Variants in CECR2 observed in about 807,000 individuals in gnomAD.
CECR2 encodes the protein CECR2 histone acetyl-lysine reader, also known as chromatin remodeling regulator CECR2.
In CECR2, 30 loss-of-function variants were observed where a neutral mutation model predicts 154.5. The ratio of observed to expected loss-of-function variants is 0.19; its 90% CI spans 0.15 to 0.26. The LOEUF is 0.26. Ranked by LOEUF, CECR2 falls within the 10% of genes least tolerant of loss-of-function variation. The pLI, the probability that CECR2 is intolerant of heterozygous loss-of-function variation, is 1.00. For missense variants in CECR2, 1,743 were observed against 1,829.3 expected, an observed-to-expected ratio of 0.95 and a Z score of 0.86; for synonymous variants, 725 against 683.7, an observed-to-expected ratio of 1.06 and a Z score of -0.94.
chr22:17,405,285 G>T (rs147169579), intron 1 of CECR2, among the ~76,000 whole-genome samples: 2,792 of 151,916 alleles, frequency 0.018, 77 homozygotes, highest in African/African-American at 0.065. Context: ...GGTGGTGGAC[G>T]CCTGTAATCC....
At chr22:17,380,502 T>TAAATC (rs1444410697) in intron 1 of CECR2, among the ~76,000 whole-genome samples, 1 of 152,206 alleles carries the variant, frequency 6.6e-6, no homozygotes, top group Admixed American at 6.5e-5. Flanking sequence ...CTTTATGAGC[T>TAAATC]AAATCAGGTC....
intron 1 of CECR2, among the ~76,000 whole-genome samples, chr22:17,404,572 A>C (rs1363575248): frequency 7.3e-6 from 1 of 137,400 alleles, no homozygotes; most frequent in African/African-American, 2.9e-5. Context: ...ACGGGGTTTC[A>C]CCGTTTTAGC....
chr22:17,462,825 T>C (rs1311830970), intron 1 of CECR2, among the ~76,000 whole-genome samples: 2 of 152,100 alleles, frequency 1.3e-5, no homozygotes, highest in African/African-American at 2.4e-5. Flanking sequence ...AGGCAGAGAA[T>C]TGCTTGAACC....
intron 1 of CECR2, among the ~76,000 whole-genome samples, chr22:17,475,939 C>T (rs1262768989): frequency 6.6e-6 from 1 of 151,914 alleles, no homozygotes; most frequent in Non-Finnish European, 1.5e-5. Context: ...TGTATATACA[C>T]AGCAGCTAGA....
intron 1 of CECR2, among the ~76,000 whole-genome samples, chr22:17,460,310 A>G (rs1022376804): frequency 2.6e-5 from 4 of 152,150 alleles, no homozygotes; most frequent in Non-Finnish European, 1.5e-5. Flanking sequence ...CCTGGGTTCA[A>G]GCAATTCTCC....
At chr22:17,545,936 C>T (rs754608951) in intron 16 of CECR2, among the ~76,000 whole-genome samples, 12 of 151,548 alleles carry the variant, frequency 7.9e-5, no homozygotes, top group Non-Finnish European at 1.5e-4. Flanking sequence ...CCTGTAATCG[C>T]AACTACTTGG....
intron 1 of CECR2, among the ~76,000 whole-genome samples, chr22:17,414,232 A>G (rs1021524011): frequency 2.6e-5 from 4 of 152,168 alleles, no homozygotes; most frequent in Admixed American, 6.5e-5. Flanking sequence ...TTGGCCTCCC[A>G]AAGTGCTGGG....
chr22:17,501,726 C>T (rs1467973389), intron 5 of CECR2, among the ~76,000 whole-genome samples: 1 of 152,104 alleles, frequency 6.6e-6, no homozygotes, highest in East Asian at 1.9e-4. Context: ...CACCTGTTTC[C>T]GGGTTTGTTA....
At chr22:17,428,826 G>GTGTGTATATATA (rs369291932) in intron 1 of CECR2, among the ~76,000 whole-genome samples, 9 of 150,594 alleles carry the variant, frequency 6.0e-5, no homozygotes, top group African/African-American at 2.2e-4. Flanking sequence ...GTGTGTGTGT[G>GTGTGTATATATA]TATATAAAGG....
intron 1 of CECR2, among the ~76,000 whole-genome samples, chr22:17,371,839 G>C (rs1182864669): frequency 6.6e-6 from 1 of 152,178 alleles, no homozygotes; most frequent in Non-Finnish European, 1.5e-5. Flanking sequence ...AAAGCTAGAG[G>C]TAACTCATTT....
intron 1 of CECR2, among the ~76,000 whole-genome samples, chr22:17,476,372 C>T (rs1027705974): frequency 6.6e-6 from 1 of 151,996 alleles, no homozygotes; most frequent in African/African-American, 2.4e-5. Flanking sequence ...TCAAGCGATT[C>T]TTGTGTCTCA....
At chr22:17,520,962 G>A (rs1050659755) in intron 8 of CECR2, among the ~76,000 whole-genome samples, 1 of 152,090 alleles carries the variant, frequency 6.6e-6, no homozygotes, top group Non-Finnish European at 1.5e-5. Flanking sequence ...ACCCAGTAAT[G>A]GGATCACTGG....
At chr22:17,475,106 G>T (rs919062389) in intron 1 of CECR2, among the ~76,000 whole-genome samples, 3 of 152,206 alleles carry the variant, frequency 2.0e-5, no homozygotes, top group Admixed American at 6.5e-5. Context: ...CACAGTGACA[G>T]TGAGCACTGG....
chr22:17,418,782 G>T, intron 1 of CECR2: 1 of 262,310 alleles, frequency 3.8e-6, no homozygotes. Flanking sequence ...ACGGGAGAGG[G>T]AGGACAGCAG....
chr22:17,525,613 A>G (rs1380225120), intron 9 of CECR2, among the ~76,000 whole-genome samples: 1 of 152,240 alleles, frequency 6.6e-6, no homozygotes, highest in Non-Finnish European at 1.5e-5. Context: ...CTCAATAAAA[A>G]AAACAACCCT....
Position 17,542,819 on chromosome 22 carries a change from C to T in CECR2, c.2676C>T (p.Ser892=). The change falls in exon 16 of 19, where the codon TCC becomes TCT. Residue 892 remains serine, a synonymous_variant. Coordinates refer to ENST00000262608, the MANE Select transcript of CECR2 (RefSeq NM_001290047.2). ...AGATGATTGCGATGCAGCAGCTCTC[C>T]TCCCGCGTCTGCCCCCCAGGTGTGC... ...SPEMIAMQQL[S]SRVCPPGVPY... is the part of the protein sequence containing the mutation. 6.2e-7 allele frequency: 1 copy of T among 1,613,896 alleles called. No homozygotes were observed. Among genetic ancestry groups the T allele is most frequent in the African/African-American group, 1.3e-5 (1 of 75,042 alleles).
In CECR2 at chr22:17,435,222, T is replaced by C. The variant is rs528711294; in HGVS notation, c.127-42366T>C. Among the ~76,000 whole-genome samples the C allele has an allele frequency of 2.4e-4, 36 of 152,172 alleles. 1 individual carries two copies. Among genetic ancestry groups the C allele is most frequent in the Non-Finnish European group, 5.0e-4 (34 of 68,022 alleles). ...TTCTTTCTTTCTTTTTTTTTAATGT[T>C]GGACAACCAGTGAAAAGCAAAACAA... is the stretch of plus-strand genomic sequence containing the variant. On this transcript the variant is annotated intron_variant, in intron 1 of 18. Transcript: ENST00000262608.
At position 17,482,972 on chromosome 22, in the gene CECR2, C is replaced by T. The variant is rs773106964; in HGVS notation, c.221+5290C>T. ...CTGGGATTACAGGCGTGAGCCACCG[C>T]GCCCAGCCTAGTTATTTTTAAAAAG... On this transcript the variant is annotated intron_variant, in intron 2 of 18. Coordinates refer to ENST00000262608, the MANE Select transcript of CECR2 (RefSeq NM_001290047.2). 7.9e-5 allele frequency among the ~76,000 whole-genome samples: 12 copies of T among 152,208 alleles called. No individual in the cohort carries two copies. In the South Asian group the frequency reaches 1.0e-3, roughly 13 times the overall value.
intron 8 of CECR2, among the ~76,000 whole-genome samples, chr22:17,517,113 G>A (rs557877035): frequency 6.6e-6 from 1 of 151,906 alleles, no homozygotes; most frequent in African/African-American, 2.4e-5. Context: ...TCCTGACCTC[G>A]TGATCCACCC....
Sources: allele counts gnomAD v4.1 joint callset (sites outside exome capture counted in the v4.1 genomes callset), GRCh38; gene constraint gnomAD v4.1.1; transcripts MANE v1.5; gene names NCBI Gene and HGNC (gene_info 2026-07-23, HGNC 2026-07-21).